The following IMMP2L variants were observed in gnomAD, a reference collection of about 807,000 sequenced individuals.
IMMP2L encodes the protein mitochondrial inner membrane protease subunit 2.
In IMMP2L, 18 loss-of-function variants were observed where a neutral mutation model predicts 19.3. The ratio of observed to expected loss-of-function variants is 0.93; its 90% confidence interval spans 0.64 to 1.38. IMMP2L has a LOEUF of 1.38. Ranked by LOEUF, IMMP2L falls within the 40% of genes most tolerant of loss-of-function variation. The probability of loss-of-function intolerance (pLI) is 0.00; values close to 1 mark genes in which losing one functional copy is unlikely to be tolerated. For synonymous variants in IMMP2L, 76 were observed against 73.0 expected, an observed-to-expected ratio of 1.04 and a Z score of -0.21; for missense variants, 233 against 218.2, an observed-to-expected ratio of 1.07 and a Z score of -0.43.
chr7:111,369,169 A>G (rs1234762292), intron 3 of IMMP2L, among the ~76,000 whole-genome samples: 1 of 151,930 alleles, frequency 6.6e-6, no homozygotes, highest in Non-Finnish European at 1.5e-5. Flanking sequence ...CTTTCAGACC[A>G]TTTCCCTAAA....
intron 3 of IMMP2L, among the ~76,000 whole-genome samples, chr7:111,277,790 T>A (rs1190045431): frequency 6.6e-6 from 1 of 152,116 alleles, no homozygotes; most frequent in African/African-American, 2.4e-5. Flanking sequence ...ATTTGTGTGT[T>A]TATTGCAGCA....
chr7:110,819,014 A>G (rs1254157666), intron 5 of IMMP2L, among the ~76,000 whole-genome samples: 1 of 151,512 alleles, frequency 6.6e-6, no homozygotes, highest in Non-Finnish European at 1.5e-5. Flanking sequence ...AATGTAAATG[A>G]CGACTTAATA....
At chr7:111,232,527 A>G (rs1046333496) in intron 3 of IMMP2L, among the ~76,000 whole-genome samples, 5 of 151,980 alleles carry the variant, frequency 3.3e-5, no homozygotes, top group East Asian at 3.9e-4. Context: ...GAAATTTTCA[A>G]TTTTCTGAAC....
At chr7:110,893,752 A>T (rs960251983) in intron 4 of IMMP2L, among the ~76,000 whole-genome samples, 6 of 152,182 alleles carry the variant, frequency 3.9e-5, no homozygotes, top group African/African-American at 1.4e-4. Flanking sequence ...TATAAGTATG[A>T]CACATTTTCA....
chr7:111,038,618 T>C (rs1185554849), intron 3 of IMMP2L, among the ~76,000 whole-genome samples: 1 of 152,148 alleles, frequency 6.6e-6, no homozygotes, highest in East Asian at 1.9e-4. Flanking sequence ...AAACAGACCC[T>C]TGGGCATAAA....
chr7:111,486,862 C>T (rs1842697529), intron 3 of IMMP2L, among the ~76,000 whole-genome samples: 1 of 152,030 alleles, frequency 6.6e-6, no homozygotes, highest in East Asian at 1.9e-4. Flanking sequence ...ATAATTATCA[C>T]CTTCTAGGAA....
At chr7:110,879,526 A>G (rs764509216) in intron 5 of IMMP2L, among the ~76,000 whole-genome samples, 3 of 152,180 alleles carry the variant, frequency 2.0e-5, no homozygotes, top group Admixed American at 6.6e-5. Context: ...CTCTTCCCCA[A>G]TAACATTCAT....
Position 111,123,151 on chromosome 7 carries a change from A to G in IMMP2L, c.240-159586T>C. ...CCTTTCTGTGTACCTAGAGGAAAAC[A>G]AACTTACTGAACTGCCTGAAAAATG... On this transcript the variant is annotated intron_variant, in intron 3 of 5. Coordinates refer to ENST00000405709, the MANE Select transcript of IMMP2L (RefSeq NM_032549.4). The surrounding 1 kb of genome is among the most constrained non-coding windows in gnomAD (Gnocchi z 6.4). The G allele has an allele frequency of 6.2e-7, 1 of 1,614,000 alleles. No individual in the cohort carries two copies. The highest frequency in any genetic ancestry group is 1.1e-5 in the South Asian group (1 of 91,082).
intron 3 of IMMP2L, among the ~76,000 whole-genome samples, chr7:111,197,931 G>A (rs994964435): frequency 5.3e-5 from 8 of 152,102 alleles, no homozygotes; most frequent in Non-Finnish European, 1.0e-4. Context: ...ATACCTTACA[G>A]TAAGCAACAA....
intron 3 of IMMP2L, among the ~76,000 whole-genome samples, chr7:111,431,488 A>T (rs577859974): frequency 6.6e-6 from 1 of 152,018 alleles, no homozygotes; most frequent in Admixed American, 6.5e-5. Context: ...ATAGGCAGCC[A>T]AAAAATATGC....
chr7:110,794,570 T>C (rs1284440093), intron 5 of IMMP2L, among the ~76,000 whole-genome samples: 1 of 152,062 alleles, frequency 6.6e-6, no homozygotes, highest in Non-Finnish European at 1.5e-5. Context: ...AGTTAAGACA[T>C]TTAGGATATT....
At chr7:111,547,300 G>C (rs187945828) in intron 1 of IMMP2L, among the ~76,000 whole-genome samples, 1 of 152,214 alleles carries the variant, frequency 6.6e-6, no homozygotes, top group African/African-American at 2.4e-5. Context: ...CCTTAACTGA[G>C]GGCTTGGAAC....
chr7:111,544,132 G>A (rs1015692067), intron 1 of IMMP2L, among the ~76,000 whole-genome samples: 31 of 151,914 alleles, frequency 2.0e-4, no homozygotes, highest in African/African-American at 7.3e-4. Flanking sequence ...ATCATTCTGA[G>A]CAAACTATCC....
intron 4 of IMMP2L, among the ~76,000 whole-genome samples, chr7:110,959,767 C>A (rs1156952602): frequency 6.6e-6 from 1 of 151,892 alleles, no homozygotes; most frequent in Non-Finnish European, 1.5e-5. Flanking sequence ...TGTCAATTCG[C>A]AGACTTTACA....
intron 4 of IMMP2L, among the ~76,000 whole-genome samples, chr7:110,943,077 T>C (rs1392874023): frequency 6.6e-6 from 1 of 152,004 alleles, no homozygotes; most frequent in Admixed American, 6.6e-5. Context: ...GTAATACTAA[T>C]AGAAATTTAG....
intron 3 of IMMP2L, among the ~76,000 whole-genome samples, chr7:111,235,332 G>A (rs758051743): frequency 6.8e-4 from 104 of 152,064 alleles, no homozygotes; most frequent in Middle Eastern, 6.8e-3. Flanking sequence ...TTAGCCGAGC[G>A]TGGTGGTGGG....
chr7:110,958,351 C>T (rs1203624761), intron 4 of IMMP2L, among the ~76,000 whole-genome samples: 1 of 151,988 alleles, frequency 6.6e-6, no homozygotes, highest in Non-Finnish European at 1.5e-5. Context: ...CAAAAATAAA[C>T]ACACAGGTGT....
chr7:111,121,730 G>A (rs1800647644), intron 3 of IMMP2L, among the ~76,000 whole-genome samples: 1 of 152,132 alleles, frequency 6.6e-6, no homozygotes, highest in South Asian at 2.1e-4. Context: ...CCATTACTGG[G>A]TATATACCCA....
At chr7:111,318,258 C>T (rs1214760966) in intron 3 of IMMP2L, among the ~76,000 whole-genome samples, 3 of 152,094 alleles carry the variant, frequency 2.0e-5, no homozygotes, top group Admixed American at 1.3e-4. Context: ...AAGCAGATGG[C>T]GTCCTTTCCC....
Sources: allele counts gnomAD v4.1 joint callset (sites outside exome capture counted in the v4.1 genomes callset), GRCh38; gene constraint gnomAD v4.1.1; non-coding constraint Gnocchi (gnomAD v3.1); transcripts MANE v1.5; gene names NCBI Gene and HGNC (gene_info 2026-07-23, HGNC 2026-07-21).